Variants in EYS observed in about 807,000 individuals in gnomAD.
EYS encodes the protein protein eyes shut homolog.
Under a neutral mutation model 282.1 loss-of-function variants are expected in EYS, and 250 were observed. The ratio of observed to expected loss-of-function variants is 0.89; its 90% CI spans 0.80 to 0.98. EYS has a LOEUF of 0.98. Ranked by LOEUF, EYS falls within the 50% of genes least tolerant of loss-of-function variation. The pLI, the probability that EYS is intolerant of heterozygous loss-of-function variation, is 0.00. For missense variants in EYS, 4,016 were observed against 3,709.0 expected (o/e 1.08, Z -2.15); for synonymous variants, 1,355 against 1,282.9 (o/e 1.06, Z -1.20).
chr6:64,420,960 T>C (rs894018197), intron 28 of EYS, among the ~76,000 whole-genome samples: 2 of 152,120 alleles, frequency 1.3e-5, no homozygotes, highest in African/African-American at 4.8e-5. Context: ...CCAAACTATT[T>C]CACCCTCTCC....
intron 26 of EYS, among the ~76,000 whole-genome samples, chr6:64,473,940 G>T (rs1053464079): frequency 2.0e-5 from 3 of 152,234 alleles, no homozygotes; most frequent in Admixed American, 6.5e-5. Context: ...TTCTTATCAA[G>T]AAACAATTAT....
At chr6:64,472,020 T>G (rs544530688) in intron 26 of EYS, among the ~76,000 whole-genome samples, 2 of 152,350 alleles carry the variant, frequency 1.3e-5, no homozygotes, top group East Asian at 3.9e-4. Flanking sequence ...ATACTTTCAT[T>G]TGATCATTAC....
At chr6:64,802,615 A>C (rs1583173562) in intron 22 of EYS, among the ~76,000 whole-genome samples, 1 of 152,270 alleles carries the variant, frequency 6.6e-6, no homozygotes, top group East Asian at 1.9e-4. Flanking sequence ...CACACTACTA[A>C]TTTACCTAAA....
intron 16 of EYS, 69 bp downstream of exon 16, chr6:64,912,415 T>A (rs1583287320): frequency 7.0e-7 from 1 of 1,426,180 alleles, no homozygotes; most frequent in African/African-American, 1.4e-5. Context: ...CATCATCCCA[T>A]AGGCACAATA....
chr6:65,151,733 TTAGC>T (rs1303055243), intron 12 of EYS, among the ~76,000 whole-genome samples: 1 of 152,002 alleles, frequency 6.6e-6, no homozygotes, highest in Admixed American at 6.6e-5. Context: ...TTTTCAGAGA[TTAGC>T]TATGTATTTT....
At chr6:63,985,525 A>G (rs904782850) in intron 34 of EYS, among the ~76,000 whole-genome samples, 2 of 151,818 alleles carry the variant, frequency 1.3e-5, no homozygotes, top group African/African-American at 2.4e-5. Context: ...GGTGCTTGCA[A>G]ATGGTGCTTG....
At chr6:64,174,443 G>T (rs370936077) in intron 31 of EYS, among the ~76,000 whole-genome samples, 1 of 151,834 alleles carries the variant, frequency 6.6e-6, no homozygotes. Context: ...ATTGCAAGAT[G>T]TAATGTTATA....
At chr6:65,644,274 ACTGGAAAGTCTCAG>A (rs1420993671) in intron 1 of EYS, among the ~76,000 whole-genome samples, 1 of 152,218 alleles carries the variant, frequency 6.6e-6, no homozygotes. Context: ...TCCAAAGTGT[ACTGGAAAGTCTCAG>A]CAATAGAATA....
chr6:64,829,793 G>A (rs900684951), intron 19 of EYS, among the ~76,000 whole-genome samples: 4 of 151,972 alleles, frequency 2.6e-5, no homozygotes, highest in Admixed American at 6.6e-5. Context: ...GGGGGTAAAA[G>A]TGAGTGAACC....
chr6:64,967,164 C>T (rs948378201), intron 14 of EYS, among the ~76,000 whole-genome samples: 1 of 152,126 alleles, frequency 6.6e-6, no homozygotes, highest in Non-Finnish European at 1.5e-5. Flanking sequence ...TCTAACCATA[C>T]TCAGTCCTAC....
At chr6:65,121,168 T>G (rs141273744) in intron 12 of EYS, among the ~76,000 whole-genome samples, 1 of 152,230 alleles carries the variant, frequency 6.6e-6, no homozygotes, top group African/African-American at 2.4e-5. Context: ...GTCAGCCCAC[T>G]AACCACTGAG....
intron 13 of EYS, among the ~76,000 whole-genome samples, chr6:65,037,009 T>C (rs1372192138): frequency 6.6e-6 from 1 of 151,956 alleles, no homozygotes; most frequent in Non-Finnish European, 1.5e-5. Context: ...TGCATGCACA[T>C]GTATGTTCAT....
intron 26 of EYS, among the ~76,000 whole-genome samples, chr6:64,529,207 A>G (rs1488677332): frequency 1.3e-5 from 2 of 152,060 alleles, no homozygotes; most frequent in East Asian, 1.9e-4. Context: ...ACTCATGTAC[A>G]TCATTCAATG....
At position 64,418,892 on chromosome 6, in the gene EYS, G is replaced by C. The variant is rs916959546; in HGVS notation, c.5927+17282C>G. Among the ~76,000 whole-genome samples, 73 of 152,168 alleles carry C rather than the reference G, an allele frequency of 4.8e-4. 3 individuals carry two copies. The highest frequency in any genetic ancestry group is 4.1e-3 in the Admixed American group (63 of 15,274). ...TTGATCACACAGTCCCTGAGAAAAG[G>C]TGAGGTATGCTGTGGTATTAAGGAT... On this transcript the variant is annotated intron_variant, in intron 28 of 42. Coordinates refer to ENST00000503581, the MANE Select transcript of EYS (RefSeq NM_001142800.2).
intron 30 of EYS, among the ~76,000 whole-genome samples, chr6:64,288,220 A>C (rs1208903534): frequency 6.6e-6 from 1 of 151,950 alleles, no homozygotes; most frequent in African/African-American, 2.4e-5. Flanking sequence ...TACTCATTTT[A>C]ATGTTTTTTT....
intron 22 of EYS, among the ~76,000 whole-genome samples, chr6:64,778,152 C>T (rs554535766): frequency 3.3e-5 from 5 of 151,950 alleles, no homozygotes; most frequent in South Asian, 2.1e-4. Context: ...TGGACAGGAG[C>T]GAATGCCTTC....
intron 36 of EYS, among the ~76,000 whole-genome samples, chr6:63,858,063 G>A (rs1772439036): frequency 6.6e-6 from 1 of 152,168 alleles, no homozygotes; most frequent in South Asian, 2.1e-4. Flanking sequence ...TGGGGAAGAG[G>A]CCGATGCATA....
At chr6:64,010,899 T>C (rs879870405) in intron 33 of EYS, among the ~76,000 whole-genome samples, 28 of 152,302 alleles carry the variant, frequency 1.8e-4, no homozygotes, top group Non-Finnish European at 1.2e-4. Flanking sequence ...GTTCTCTTCC[T>C]GGGCTGGCAG....
chr6:64,782,397 G>A (rs1029548062), intron 22 of EYS, among the ~76,000 whole-genome samples: 1 of 152,100 alleles, frequency 6.6e-6, no homozygotes, highest in Non-Finnish European at 1.5e-5. Context: ...CAGGCACAAC[G>A]AAATTTTCAT....
Sources: allele counts gnomAD v4.1 joint callset (sites outside exome capture counted in the v4.1 genomes callset), GRCh38; gene constraint gnomAD v4.1.1; transcripts MANE v1.5; gene names NCBI Gene and HGNC (gene_info 2026-07-23, HGNC 2026-07-21).